Variants in RBFOX1 observed in about 807,000 individuals in gnomAD.
The protein encoded by RBFOX1 is RNA binding fox-1 homolog 1, also known as RNA binding protein fox-1 homolog 1.
A neutral mutation model predicts 57.7 loss-of-function variants in RBFOX1; 8 were observed. That is an observed-to-expected ratio of 0.14 (90% CI 0.08 to 0.25). RBFOX1 has a LOEUF of 0.25. Ranked by LOEUF, RBFOX1 falls within the 10% of genes least tolerant of loss-of-function variation. The probability of loss-of-function intolerance (pLI) is 1.00; values close to 1 mark genes in which losing one functional copy is unlikely to be tolerated. For synonymous variants in RBFOX1, 326 were observed against 222.4 expected (o/e 1.47, Z -4.15); for missense variants, 611 against 548.5 (o/e 1.11, Z -1.14).
intron 2 of RBFOX1, among the ~76,000 whole-genome samples, chr16:5,579,620 C>T (rs2046592818): frequency 6.6e-6 from 1 of 152,206 alleles, no homozygotes; most frequent in South Asian, 2.1e-4. Context: ...GCTGGAGCTG[C>T]TCCTTCTGCC....
chr16:6,265,380 G>C (rs977755245), intron 1 of RBFOX1, among the ~76,000 whole-genome samples: 1 of 152,048 alleles, frequency 6.6e-6, no homozygotes, highest in Non-Finnish European at 1.5e-5. Context: ...TCCTGCCTCA[G>C]CCTCCCGAGT....
At chr16:6,503,852 G>T (rs778287049) in intron 2 of RBFOX1, among the ~76,000 whole-genome samples, 15 of 152,280 alleles carry the variant, frequency 9.9e-5, no homozygotes, top group Non-Finnish European at 1.8e-4. Context: ...GCCATTGTTT[G>T]CATCTACCCA....
chr16:6,855,858 C>CCCTCCCTTCCTTTCTTCCCTG (rs1567576718), intron 3 of RBFOX1, among the ~76,000 whole-genome samples: 1 of 51,004 alleles, frequency 2.0e-5, no homozygotes, highest in Non-Finnish European at 3.7e-5. Flanking sequence ...TCCCTCCCTT[C>CCCTCCCTTCCTTTCTTCCCTG]CTTTCTTCCC....
chr16:6,771,964 A>T (rs1471084311), intron 3 of RBFOX1, among the ~76,000 whole-genome samples: 1 of 152,068 alleles, frequency 6.6e-6, no homozygotes, highest in Non-Finnish European at 1.5e-5. Context: ...GCTATATAAG[A>T]TCCTCAAAAT....
chr16:7,343,698 C>A (rs534782523), intron 4 of RBFOX1, among the ~76,000 whole-genome samples: 1 of 152,120 alleles, frequency 6.6e-6, no homozygotes, highest in Non-Finnish European at 1.5e-5. Flanking sequence ...AACAGGCAAA[C>A]AGGAGGTGGT....
intron 3 of RBFOX1, among the ~76,000 whole-genome samples, chr16:6,739,668 C>G (rs28609651): frequency 0.096 from 14,601 of 151,938 alleles, 938 homozygotes; most frequent in African/African-American, 0.17. Context: ...CATGAGGTCA[C>G]GAGTTCGAGA....
intron 3 of RBFOX1, among the ~76,000 whole-genome samples, chr16:5,866,090 C>A (rs562165217): frequency 6.6e-6 from 1 of 152,188 alleles, no homozygotes; most frequent in African/African-American, 2.4e-5. Flanking sequence ...GCCTCAGCCT[C>A]CCGAGTAGCT....
At chr16:6,219,872 A>G (rs918497105) in intron 1 of RBFOX1, among the ~76,000 whole-genome samples, 9 of 152,092 alleles carry the variant, frequency 5.9e-5, no homozygotes, top group Non-Finnish European at 1.3e-4. Flanking sequence ...GCAAAACTGC[A>G]TGTCAAAAAA....
intron 3 of RBFOX1, among the ~76,000 whole-genome samples, chr16:5,833,149 G>A (rs1423860930): frequency 6.6e-6 from 1 of 152,142 alleles, no homozygotes; most frequent in Admixed American, 6.5e-5. Context: ...CACTGCAAAA[G>A]GAAAGTGACA....
At chr16:7,352,394 T>C (rs2097144581) in intron 4 of RBFOX1, among the ~76,000 whole-genome samples, 1 of 152,194 alleles carries the variant, frequency 6.6e-6, no homozygotes. Context: ...AATTTCCCCA[T>C]CTTGGACAGA....
intron 4 of RBFOX1, among the ~76,000 whole-genome samples, chr16:5,903,648 C>G (rs2058367016): frequency 1.3e-5 from 2 of 152,140 alleles, no homozygotes; most frequent in African/African-American, 4.8e-5. Context: ...GAAAAAAAGT[C>G]TATGTGTTTG....
chr16:6,436,515 T>TTC (rs965093651), intron 2 of RBFOX1, among the ~76,000 whole-genome samples: 2 of 150,280 alleles, frequency 1.3e-5, no homozygotes, highest in African/African-American at 2.4e-5. Context: ...TCTTCACTTT[T>TTC]TTTTTTTTTT....
intron 5 of RBFOX1, among the ~76,000 whole-genome samples, chr16:7,563,363 C>A (rs1187987323): frequency 1.3e-5 from 2 of 152,164 alleles, no homozygotes; most frequent in African/African-American, 2.4e-5. Context: ...TGCTGCAGTT[C>A]ACACAGATAG....
intron 3 of RBFOX1, among the ~76,000 whole-genome samples, chr16:5,790,143 G>T (rs1175800499): frequency 6.6e-6 from 1 of 152,152 alleles, no homozygotes; most frequent in African/African-American, 2.4e-5. Flanking sequence ...AGAGTGCGAG[G>T]GTCTCACATG....
In RBFOX1 at chr16:6,478,419, ATATATATATATTTTTT is replaced by A. The variant is rs1361109671; in HGVS notation, c.-64+161364_-64+161379del. Among the ~76,000 whole-genome samples, 64 of 13,808 alleles carry A rather than the reference ATATATATATATTTTTT, an allele frequency of 4.6e-3. 2 individuals carry two copies. The highest frequency in any genetic ancestry group is 0.014 in the African/African-American group (56 of 4,100). 9.1% of individuals were successfully genotyped at this position (13,808 alleles called of 152,430 possible). On this transcript the variant is annotated intron_variant, in intron 2 of 15. Transcript: ENST00000550418. ...TATATATATATATATATATATATAT[ATATATATATATTTTTT>A]TTTTTTTTTTTTGTATTTTTAGTAG...
chr16:6,943,761 A>C (rs769902224), intron 3 of RBFOX1, among the ~76,000 whole-genome samples: 6 of 151,950 alleles, frequency 3.9e-5, no homozygotes, highest in Non-Finnish European at 8.8e-5. Flanking sequence ...AGTCTTGGCC[A>C]ATCCCAGCAG....
At chr16:7,491,912 C>G (rs978386882) in intron 4 of RBFOX1, among the ~76,000 whole-genome samples, 1 of 152,154 alleles carries the variant, frequency 6.6e-6, no homozygotes, top group African/African-American at 2.4e-5. Context: ...GGCTAATTTT[C>G]ATTGTACCAC....
rs146594200 is a variant in RBFOX1, at chr16:5,849,609, C to G, written c.319-17694C>G. ...TGACTGTAAGCCGCAGTCACCAGTG[C>G]TCAGAGTCAGGAAATCTGGAAGTGC... On this transcript the variant is annotated intron_variant, in intron 3 of 19. Coordinates refer to the RBFOX1 transcript ENST00000641259. 9.8e-3 allele frequency among the ~76,000 whole-genome samples: 1,498 copies of G among 152,294 alleles called. 9 individuals are homozygous for G. Among genetic ancestry groups the G allele is most frequent in the Non-Finnish European group, 0.015 (1,017 of 68,030 alleles).
At chr16:5,983,587 GGCTCAGGT>G (rs977910516) in intron 4 of RBFOX1, among the ~76,000 whole-genome samples, 1 of 152,170 alleles carries the variant, frequency 6.6e-6, no homozygotes, top group African/African-American at 2.4e-5. Flanking sequence ...GCAGGAGGAT[GGCTCAGGT>G]GCTCAGGAAG....
Sources: gnomAD v4.1 joint callset for allele counts (sites outside exome capture counted in the v4.1 genomes callset) on GRCh38, gnomAD v4.1.1 for gene constraint, MANE v1.5 for transcripts, NCBI Gene and HGNC (gene_info 2026-07-23, HGNC 2026-07-21) for gene names.